The following CEACAM21 variants were observed in gnomAD, a reference collection of about 807,000 sequenced individuals.
CEACAM21 encodes cell adhesion molecule CEACAM21.
A neutral mutation model predicts 33.2 loss-of-function variants in CEACAM21; 38 were observed. The ratio of observed to expected loss-of-function variants is 1.14; its 90% CI spans 0.88 to 1.50. The LOEUF is 1.50. Ranked by LOEUF, CEACAM21 falls within the 40% of genes most tolerant of loss-of-function variation. The probability of loss-of-function intolerance (pLI) is 0.00; values close to 1 mark genes in which losing one functional copy is unlikely to be tolerated. For missense variants in CEACAM21, 385 were observed against 364.6 expected, an observed-to-expected ratio of 1.06 and a Z score of -0.46; for synonymous variants, 156 against 143.0, an observed-to-expected ratio of 1.09 and a Z score of -0.65.
chr19:41,561,946 T>G (rs1555786903), intron 1 of CEACAM21, among the ~76,000 whole-genome samples: 1 of 152,186 alleles, frequency 6.6e-6, no homozygotes, highest in African/African-American at 2.4e-5. Flanking sequence ...AAGTAACATC[T>G]ACTTAAGAAA....
intron 2 of CEACAM21, among the ~76,000 whole-genome samples, chr19:41,579,076 T>C (rs1036090251): frequency 9.2e-5 from 14 of 152,126 alleles, no homozygotes; most frequent in Non-Finnish European, 1.0e-4. Flanking sequence ...ACCCCAGGTA[T>C]TGCATCTCAT....
At position 41,563,695 on chromosome 19, in the gene CEACAM21, G is replaced by A. The variant is rs143407122; in HGVS notation, c.-778-987G>A. Among the ~76,000 whole-genome samples, 26 of 152,386 alleles carry A rather than the reference G, an allele frequency of 1.7e-4. No individual in the cohort carries two copies. The East Asian group carries it at 4.8e-3, about 28-fold the overall frequency. ...CAGAGAAAACTCGGACCCAGAAGCA[G>A]CTCCTCTAGGAACGGATTAGCTTCA... On this transcript the variant is annotated intron_variant, in intron 1 of 7. Coordinates refer to the CEACAM21 transcript ENST00000407170.
chr19:41,585,854 G>A lies in CEACAM21; in HGVS notation c.865G>A (p.Asp289Asn), dbSNP rs2070698390. Residue 289 changes from aspartate to asparagine, a missense_variant, in exon 6 of 7, where the codon GAC becomes AAC. Asp to Asn is a conservative substitution (Grantham distance 23). Transcript: ENST00000401445. ...TCTGTCCCCAGGCCATGGACCCTCTGACAGCTCCATCTCCTAGGTAAGACT... is the reference window on the plus strand; with the variant it reads ...TCTGTCCCCAGGCCATGGACCCTCTAACAGCTCCATCTCCTAGGTAAGACT... ...PASTPGHGPSDSSIS is the reference protein window; with the variant it reads ...PASTPGHGPSNSSIS The A allele has an allele frequency of 1.2e-6, 2 of 1,612,926 alleles. No individual in the cohort carries two copies. Among genetic ancestry groups the A allele is most frequent in the Non-Finnish European group, 1.7e-6 (2 of 1,179,542 alleles).
intron 2 of CEACAM21, among the ~76,000 whole-genome samples, chr19:41,565,968 C>T (rs190952326): frequency 0.074 from 1,916 of 25,804 alleles, 37 homozygotes; most frequent in African/African-American, 0.27. Flanking sequence ...TTTGGGGGGG[C>T]GGGGGGGGTG....
upstream of CEACAM21, among the ~76,000 whole-genome samples, chr19:41,573,367 G>A (rs1308538574): frequency 6.6e-6 from 1 of 152,060 alleles, no homozygotes; most frequent in Non-Finnish European, 1.5e-5. Context: ...CCACCTGCTG[G>A]CCCTTCTGAC....
chr19:41,568,485 A>G (rs2042405210), intron 2 of CEACAM21, among the ~76,000 whole-genome samples: 1 of 152,166 alleles, frequency 6.6e-6, no homozygotes, highest in African/African-American at 2.4e-5. Flanking sequence ...GATAGGGTCT[A>G]GGTTCATTCT....
At chr19:41,558,253 G>A (rs1459535812) in intron 1 of CEACAM21, among the ~76,000 whole-genome samples, 2 of 152,172 alleles carry the variant, frequency 1.3e-5, no homozygotes, top group African/African-American at 4.8e-5. Flanking sequence ...ACACATAGAT[G>A]AAATTAAATG....
upstream of CEACAM21, among the ~76,000 whole-genome samples, chr19:41,573,075 A>AG (rs1266644588): frequency 6.6e-6 from 1 of 152,178 alleles, no homozygotes; most frequent in Non-Finnish European, 1.5e-5. Context: ...AAGGAGATGG[A>AG]GGTCTGACCA....
intron 1 of CEACAM21, among the ~76,000 whole-genome samples, chr19:41,576,556 G>A (rs1230649076): frequency 6.6e-6 from 1 of 152,216 alleles, no homozygotes; most frequent in Non-Finnish European, 1.5e-5. Context: ...ATTGTCAGTG[G>A]CCACTACACT....
intron 2 of CEACAM21, among the ~76,000 whole-genome samples, chr19:41,569,130 C>T (rs2042440917): frequency 6.6e-6 from 1 of 151,618 alleles, no homozygotes; most frequent in South Asian, 2.1e-4. Context: ...TCATTATTGG[C>T]TATTACTGGT....
At chr19:41,559,612 A>T (rs368420166) in intron 1 of CEACAM21, among the ~76,000 whole-genome samples, 1 of 152,216 alleles carries the variant, frequency 6.6e-6, no homozygotes, top group East Asian at 1.9e-4. Context: ...AAGTCAAAAG[A>T]TGTTCTTTAA....
At chr19:41,570,943 A>G (rs1001839983) in intron 2 of CEACAM21, among the ~76,000 whole-genome samples, 1 of 151,844 alleles carries the variant, frequency 6.6e-6, no homozygotes, top group Non-Finnish European at 1.5e-5. Context: ...TGGTGGGGAG[A>G]CATGGGAGGA....
chr19:41,567,340 A>G (rs1293010489), intron 2 of CEACAM21, among the ~76,000 whole-genome samples: 10 of 152,222 alleles, frequency 6.6e-5, no homozygotes, highest in Non-Finnish European at 1.5e-4. Flanking sequence ...GATAGCAGTC[A>G]ATTATAAAAT....
chr19:41,576,284 C>T lies in CEACAM21; in HGVS notation c.10C>T (p.Pro4Ser), dbSNP rs1555790989. 1 of 1,613,698 alleles carries T rather than the reference C, an allele frequency of 6.2e-7. No individual in the cohort carries two copies. The highest frequency in any genetic ancestry group is 8.5e-7 in the Non-Finnish European group (1 of 1,179,754). Residue 4 changes from proline to serine, a missense_variant, in exon 1 of 7, where the codon CCC (proline) becomes TCC (serine). Physicochemically the swap from Pro to Ser is moderately conservative, Grantham distance 74 (BLOSUM62 -1). Coordinates refer to ENST00000401445, the MANE Select transcript of CEACAM21 (RefSeq NM_001098506.4). MGP[P>S]SACPHRECIP... ...GCAGGCAGCAGAGACCATGGGGCCC[C>T]CCTCAGCTTGTCCCCACAGAGAATG...
chr19:41,584,779 G>A (rs2070597126), intron 4 of CEACAM21, among the ~76,000 whole-genome samples: 1 of 152,202 alleles, frequency 6.6e-6, no homozygotes, highest in East Asian at 1.9e-4. Flanking sequence ...TCCACCCAGT[G>A]AGAGGGCATC....
intron 2 of CEACAM21, among the ~76,000 whole-genome samples, chr19:41,570,200 T>G (rs1555789177): frequency 6.6e-6 from 1 of 152,074 alleles, no homozygotes; most frequent in Non-Finnish European, 1.5e-5. Context: ...GGATTTCAGA[T>G]GGGTAGGTAG....
At chr19:41,570,446 C>T (rs1362573957) in intron 2 of CEACAM21, among the ~76,000 whole-genome samples, 8 of 152,150 alleles carry the variant, frequency 5.3e-5, no homozygotes, top group African/African-American at 1.9e-4. Flanking sequence ...ACCTGCACTC[C>T]TCCATTATCT....
At chr19:41,564,521 C>T (rs1369003421) in intron 1 of CEACAM21, among the ~76,000 whole-genome samples, 10 of 152,160 alleles carry the variant, frequency 6.6e-5, no homozygotes, top group African/African-American at 2.2e-4. Flanking sequence ...CAGGGAAAAA[C>T]GGTAGGAGTA....
At chr19:41,582,230 C>G (rs781997763) in intron 3 of CEACAM21, among the ~76,000 whole-genome samples, 1 of 152,252 alleles carries the variant, frequency 6.6e-6, no homozygotes, top group African/African-American at 2.4e-5. Context: ...CCAGGTCACA[C>G]TGATGCAAGA....
Sources: gnomAD v4.1 joint callset for allele counts (sites outside exome capture counted in the v4.1 genomes callset) on GRCh38, gnomAD v4.1.1 for gene constraint, MANE v1.5 for transcripts, NCBI Gene and HGNC (gene_info 2026-07-23, HGNC 2026-07-21) for gene names.